ABCB1: variants seen among roughly 807,000 people sequenced by gnomAD.
The protein encoded by ABCB1 is ATP-dependent translocase ABCB1.
In ABCB1, 69 loss-of-function variants were observed where a neutral mutation model predicts 142.0. That is an observed-to-expected ratio of 0.49 (90% CI 0.40 to 0.59). The LOEUF (loss-of-function observed/expected upper bound fraction) is 0.59. Ranked by LOEUF, ABCB1 falls within the 20% of genes least tolerant of loss-of-function variation. ABCB1 has a pLI of 0.00. For missense variants in ABCB1, 1,326 were observed against 1,554.7 expected, an observed-to-expected ratio of 0.85 and a Z score of 2.47; for synonymous variants, 532 against 539.2, an observed-to-expected ratio of 0.99 and a Z score of 0.18.
chr7:87,566,022 G>GA (rs1383818060), intron 7 of ABCB1, 48 bp downstream of exon 7: 1 of 1,599,896 alleles, frequency 6.3e-7, no homozygotes, highest in South Asian at 1.1e-5. Context: ...GTGAGAGCAG[G>GA]AAGGGAGAAG....
intron 1 of ABCB1, 65 bp from the exon 2 acceptor site, chr7:87,600,255 A>AC (rs1819392289): frequency 3.0e-5 from 40 of 1,336,314 alleles, no homozygotes; most frequent in Non-Finnish European, 4.1e-5. Flanking sequence ...GGTGAGACTA[A>AC]CCTCTAGTCC....
intron 3 of ABCB1, among the ~76,000 whole-genome samples, chr7:87,591,803 T>TA (rs1266933715): frequency 1.3e-5 from 2 of 151,924 alleles, no homozygotes; most frequent in East Asian, 1.9e-4. Flanking sequence ...TGCATGAGAA[T>TA]AAAAAAAATT....
In ABCB1 at chr7:87,638,061, A is replaced by T. The variant is rs575085611; in HGVS notation, c.-330-36983T>A. Among the ~76,000 whole-genome samples the T allele has an allele frequency of 1.1e-4, 16 of 151,842 alleles. No homozygotes were observed. In the South Asian group the frequency reaches 1.9e-3, roughly 18 times the overall value. On this transcript the variant is annotated intron_variant, in intron 1 of 28. Coordinates refer to the ABCB1 transcript ENST00000265724. The stretch of plus-strand genomic sequence containing the variant: ...TGGATGCTTATTATTGTATTATTAA[A>T]TTTTTTTTGTCTTTCAAGTAAACGT...
intron 9 of ABCB1, among the ~76,000 whole-genome samples, chr7:87,552,057 T>A (rs1181448480): frequency 6.6e-6 from 1 of 152,226 alleles, no homozygotes; most frequent in Non-Finnish European, 1.5e-5. Flanking sequence ...TGTATCATGA[T>A]AAAACAGTGT....
chr7:87,561,218 A>G, intron 8 of ABCB1, 45 bp downstream of exon 8: 1 of 1,608,488 alleles, frequency 6.2e-7, no homozygotes, highest in Non-Finnish European at 8.5e-7. Context: ...GCATTTGAGA[A>G]GACAGAATTT....
Position 87,550,464 on chromosome 7 carries a change from G to A in ABCB1, c.1224+4C>T, listed in dbSNP as rs1358557531. The A allele has an allele frequency of 6.2e-7, 1 of 1,609,892 alleles. No individual in the cohort carries two copies. The highest frequency in any genetic ancestry group is 1.1e-5 in the South Asian group (1 of 91,028). ...AATTGTTGATTAATCATTTATCACT[G>A]TACCTTAACTTCTTTTCGAGATGGG... On this transcript the variant is annotated splice_donor_region_variant and intron_variant, in intron 11 of 27. Coordinates refer to ENST00000622132, the MANE Select transcript of ABCB1 (RefSeq NM_001348946.2).
At chr7:87,709,849 C>T (rs1218892131) in intron 1 of ABCB1, among the ~76,000 whole-genome samples, 2 of 152,116 alleles carry the variant, frequency 1.3e-5, no homozygotes, top group African/African-American at 2.4e-5. Context: ...GTTCTTACTA[C>T]AAATATGATC....
At chr7:87,599,847 A>T (rs952998831) in intron 2 of ABCB1, among the ~76,000 whole-genome samples, 2 of 152,182 alleles carry the variant, frequency 1.3e-5, no homozygotes, top group African/African-American at 2.4e-5. Context: ...CATGTAAAAA[A>T]CGCTTCCATG....
chr7:87,689,345 A>T (rs1283795585), intron 1 of ABCB1, among the ~76,000 whole-genome samples: 1 of 152,100 alleles, frequency 6.6e-6, no homozygotes, highest in East Asian at 1.9e-4. Flanking sequence ...TTAATGAGAC[A>T]TTTCCAGTTT....
At chr7:87,507,706 G>C (rs775172266) in intron 26 of ABCB1, among the ~76,000 whole-genome samples, 100 of 152,082 alleles carry the variant, frequency 6.6e-4, no homozygotes, top group Admixed American at 1.3e-4. Flanking sequence ...CTTCCCCGCC[G>C]GGTTGAGGCT....
At chr7:87,634,465 T>C (rs2130227122) in intron 1 of ABCB1, among the ~76,000 whole-genome samples, 1 of 87,798 alleles carries the variant, frequency 1.1e-5, no homozygotes, top group Admixed American at 1.7e-4. Flanking sequence ...CTACTAAAAA[T>C]ACAAACAGTC....
intron 1 of ABCB1, chr7:87,628,704 C>G: frequency 1.7e-6 from 1 of 584,698 alleles, no homozygotes; most frequent in Non-Finnish European, 2.5e-6. Context: ...TCCCTCCAGG[C>G]TCCTTTCCTA....
chr7:87,695,999 T>TTGCTAGAAA (rs1467439311), intron 1 of ABCB1, among the ~76,000 whole-genome samples: 7 of 152,158 alleles, frequency 4.6e-5, no homozygotes, highest in African/African-American at 1.7e-4. Context: ...GATTGTCTTT[T>TTGCTAGAAA]AGTCTAGCAA....
intron 23 of ABCB1, 119 bp downstream of exon 23, chr7:87,519,207 T>C: frequency 2.0e-6 from 2 of 1,019,498 alleles, no homozygotes; most frequent in Non-Finnish European, 1.5e-6. Context: ...GAAATGCCGA[T>C]TTAGGAATCA....
At chr7:87,679,358 G>C (rs1826696131) in intron 1 of ABCB1, among the ~76,000 whole-genome samples, 1 of 149,740 alleles carries the variant, frequency 6.7e-6, no homozygotes, top group African/African-American at 2.5e-5. Flanking sequence ...CTCCCAAAGT[G>C]CTGGGATTAC....
chr7:87,665,784 G>A (rs1045138348), intron 1 of ABCB1, among the ~76,000 whole-genome samples: 1 of 151,938 alleles, frequency 6.6e-6, no homozygotes, highest in African/African-American at 2.4e-5. Context: ...AAGTGATAAC[G>A]TGTGATATTT....
intron 1 of ABCB1, among the ~76,000 whole-genome samples, chr7:87,615,551 G>A (rs1820006176): frequency 6.6e-6 from 1 of 152,218 alleles, no homozygotes; most frequent in Non-Finnish European, 1.5e-5. Flanking sequence ...AGGGAGCCAA[G>A]GGCAGAAACA....
At chr7:87,538,730 T>C (rs1584859317) in intron 19 of ABCB1, among the ~76,000 whole-genome samples, 1 of 152,210 alleles carries the variant, frequency 6.6e-6, no homozygotes, top group African/African-American at 2.4e-5. Context: ...GGTTAGGGTT[T>C]TGAAGCTGCA....
At chr7:87,556,812 A>G (rs1817330925) in intron 8 of ABCB1, among the ~76,000 whole-genome samples, 2 of 152,026 alleles carry the variant, frequency 1.3e-5, no homozygotes, top group South Asian at 4.2e-4. Context: ...TTAGAATACA[A>G]TCCTAACTCT....
Sources: allele counts gnomAD v4.1 joint callset (sites outside exome capture counted in the v4.1 genomes callset), GRCh38; gene constraint gnomAD v4.1.1; transcripts MANE v1.5; gene names NCBI Gene and HGNC (gene_info 2026-07-23, HGNC 2026-07-21).